Variants in PTPRG observed in about 807,000 individuals in gnomAD.
PTPRG encodes protein tyrosine phosphatase receptor type G.
In PTPRG, 102 loss-of-function variants were observed where a neutral mutation model predicts 165.3. The observed-to-expected ratio is 0.62, with a 90% CI of 0.53 to 0.73. The LOEUF (loss-of-function observed/expected upper bound fraction) is 0.73, where lower values mean the gene tolerates loss of function less well. PTPRG is among the 30% of genes least tolerant of loss of function. The pLI is 0.00. For missense variants in PTPRG, 1,866 were observed against 1,861.4 expected, an observed-to-expected ratio of 1.00 and a Z score of -0.05; for synonymous variants, 675 against 669.5, an observed-to-expected ratio of 1.01 and a Z score of -0.13.
chr3:62,281,495 T>A (rs1702435739), intron 26 of PTPRG, 68 bp from the exon 27 acceptor site: 1 of 1,346,696 alleles, frequency 7.4e-7, no homozygotes, highest in African/African-American at 1.5e-5. Context: ...ACAAAATCCG[T>A]ATGCAAGAAA....
Position 62,255,458 on chromosome 3 carries a change from A to G in PTPRG, c.2559+243A>G, listed in dbSNP as rs1701517058. On this transcript the variant is annotated intron_variant, in intron 16 of 29. Coordinates refer to ENST00000474889, the MANE Select transcript of PTPRG (RefSeq NM_002841.4). The surrounding 1 kb of genome is among the most constrained non-coding windows in gnomAD (Gnocchi z 4.0). ...AAAAGAACCGACTTAGTGATAGAAAAGAAGCAAACTGGTAGGGATTGCTTT... is the reference window on the plus strand; with the variant it reads ...AAAAGAACCGACTTAGTGATAGAAAGGAAGCAAACTGGTAGGGATTGCTTT... Among the ~76,000 whole-genome samples the G allele has an allele frequency of 6.6e-6, 1 of 151,942 alleles. No homozygotes were observed. Among genetic ancestry groups the G allele is most frequent in the Non-Finnish European group, 1.5e-5 (1 of 68,034 alleles).
intron 2 of PTPRG, among the ~76,000 whole-genome samples, chr3:61,884,109 C>A (rs79440860): frequency 6.6e-6 from 1 of 152,178 alleles, no homozygotes; most frequent in Non-Finnish European, 1.5e-5. Flanking sequence ...ATAGTCACCT[C>A]TTTCTTCTTG....
In PTPRG at chr3:61,727,447, C is replaced by T. The variant is rs554458288; in HGVS notation, c.86-21431C>T. Among the ~76,000 whole-genome samples the T allele has an allele frequency of 1.2e-3, 181 of 152,096 alleles. 1 individual carries two copies. The highest frequency in any genetic ancestry group is 3.9e-3 in the African/African-American group (163 of 41,494). On this transcript the variant is annotated intron_variant, in intron 1 of 29. Transcript: ENST00000474889. ...GATTATGGGCATGACCCACGGTGCCCGGCCCATATCAAAAAGTTAAAACCA... is the reference window on the plus strand; with the variant it reads ...GATTATGGGCATGACCCACGGTGCCTGGCCCATATCAAAAAGTTAAAACCA...
chr3:61,793,011 G>C (rs551567603), intron 2 of PTPRG, among the ~76,000 whole-genome samples: 4 of 152,294 alleles, frequency 2.6e-5, no homozygotes, highest in African/African-American at 9.6e-5. Flanking sequence ...ACAGGCATGA[G>C]CCTGTAAATA....
intron 8 of PTPRG, among the ~76,000 whole-genome samples, chr3:62,179,393 T>C (rs1203466733): frequency 6.6e-6 from 1 of 152,206 alleles, no homozygotes; most frequent in African/African-American, 2.4e-5. Flanking sequence ...ACATTTCAAA[T>C]CTCTGCCTGT....
intron 2 of PTPRG, among the ~76,000 whole-genome samples, chr3:61,780,873 T>A (rs2034526489): frequency 6.6e-6 from 1 of 152,254 alleles, no homozygotes; most frequent in South Asian, 2.1e-4. Context: ...TCTTTGCTTT[T>A]GAGGGCGATG....
intron 17 of PTPRG, among the ~76,000 whole-genome samples, chr3:62,266,163 T>TAAAC (rs370641639): frequency 8.4e-4 from 128 of 152,316 alleles, no homozygotes; most frequent in African/African-American, 3.0e-3. Context: ...ATTTTATTTT[T>TAAAC]AAACATTCAG....
At position 62,030,089 on chromosome 3, in the gene PTPRG, A is replaced by G. The variant is rs1575911286; in HGVS notation, c.519+26592A>G. ...CTGAATTACTCAAGTTTTAAATTGC[A>G]TGAGGCTTTTAGTGAAATCATGTAT... On this transcript the variant is annotated intron_variant, in intron 4 of 29. Transcript: ENST00000474889. 5.3e-5 allele frequency among the ~76,000 whole-genome samples: 8 copies of G among 152,324 alleles called. No individual in the cohort carries two copies. The South Asian group carries it at 1.4e-3, about 28-fold the overall frequency.
At chr3:61,947,187 T>C (rs1012459315) in intron 2 of PTPRG, among the ~76,000 whole-genome samples, 1 of 152,234 alleles carries the variant, frequency 6.6e-6, no homozygotes, top group Non-Finnish European at 1.5e-5. Flanking sequence ...TTTGTGGACC[T>C]GCATAAGGAG....
At chr3:62,012,073 C>G (rs976853893) in intron 4 of PTPRG, among the ~76,000 whole-genome samples, 4 of 152,128 alleles carry the variant, frequency 2.6e-5, no homozygotes, top group Non-Finnish European at 5.9e-5. Context: ...GTCACTGATA[C>G]TGGTGTTGGT....
In PTPRG at chr3:61,818,627, G is replaced by A. The variant is rs530698927; in HGVS notation, c.190+69645G>A. 3.9e-5 allele frequency among the ~76,000 whole-genome samples: 6 copies of A among 152,080 alleles called. No individual in the cohort carries two copies. The East Asian group carries it at 1.2e-3, about 29-fold the overall frequency. ...AGCAGTGAGTCATGAACGTGGCACT[G>A]TACTCCAGCCTAGACAATAGAGCAA... On this transcript the variant is annotated intron_variant, in intron 2 of 29. Coordinates refer to ENST00000474889, the MANE Select transcript of PTPRG (RefSeq NM_002841.4).
chr3:61,949,622 G>C (rs986143701), intron 2 of PTPRG, among the ~76,000 whole-genome samples: 2 of 152,090 alleles, frequency 1.3e-5, no homozygotes, highest in African/African-American at 4.8e-5. Flanking sequence ...AAGCAACCAA[G>C]TTTCCATGAC....
intron 25 of PTPRG, 139 bp from the exon 26 acceptor site, chr3:62,277,412 C>T: frequency 1.0e-6 from 1 of 964,220 alleles, no homozygotes. Flanking sequence ...TAAAAATTAG[C>T]CAAATGTACC....
intron 2 of PTPRG, among the ~76,000 whole-genome samples, chr3:61,965,641 AT>A (rs1479536734): frequency 6.6e-6 from 1 of 152,190 alleles, no homozygotes; most frequent in African/African-American, 2.4e-5. Context: ...TTCTACAAGT[AT>A]TTATTGTGGT....
In PTPRG at chr3:61,720,908, C is replaced by T. The variant is rs182514133; in HGVS notation, c.86-27970C>T. 7.4e-4 allele frequency among the ~76,000 whole-genome samples: 112 copies of T among 152,300 alleles called. 1 individual carries two copies. The highest frequency in any genetic ancestry group is 2.6e-3 in the African/African-American group (106 of 41,568). On this transcript the variant is annotated intron_variant, in intron 1 of 29. Coordinates refer to ENST00000474889, the MANE Select transcript of PTPRG (RefSeq NM_002841.4). ...TTAGATTTGTCACTTGTTTCTGCTG[C>T]GTTGGCCTTGATTATGTAAGTATTT...
At chr3:61,631,006 A>G (rs1701759714) in intron 1 of PTPRG, among the ~76,000 whole-genome samples, 1 of 152,210 alleles carries the variant, frequency 6.6e-6, no homozygotes, top group Non-Finnish European at 1.5e-5. Context: ...CAGTGAGCCA[A>G]GATTGTGCGA....
chr3:61,600,767 C>T (rs1700842596), intron 1 of PTPRG, among the ~76,000 whole-genome samples: 1 of 152,080 alleles, frequency 6.6e-6, no homozygotes, highest in Non-Finnish European at 1.5e-5. Context: ...TCTCAAACTC[C>T]TAAGCTCAAG....
intron 2 of PTPRG, among the ~76,000 whole-genome samples, chr3:61,775,715 G>A (rs1393750137): frequency 1.3e-5 from 2 of 151,938 alleles, no homozygotes; most frequent in African/African-American, 4.8e-5. Context: ...AAGAAAATGT[G>A]GCACATATAC....
chr3:62,015,693 A>G (rs1489456188), intron 4 of PTPRG, among the ~76,000 whole-genome samples: 1 of 152,068 alleles, frequency 6.6e-6, no homozygotes, highest in South Asian at 2.1e-4. Flanking sequence ...AGAGTGGGGA[A>G]GACCTGTGGG....
Sources: gnomAD v4.1 joint callset for allele counts (sites outside exome capture counted in the v4.1 genomes callset) on GRCh38, gnomAD v4.1.1 for gene constraint, Gnocchi (gnomAD v3.1) non-coding constraint, MANE v1.5 for transcripts, NCBI Gene and HGNC (gene_info 2026-07-23, HGNC 2026-07-21) for gene names.